The following PAX2 variants were observed in gnomAD, a reference collection of about 807,000 sequenced individuals.
PAX2 encodes the protein paired box protein Pax-2.
A neutral mutation model predicts 41.7 loss-of-function variants in PAX2; 9 were observed. The observed-to-expected ratio is 0.22, with a 90% CI of 0.13 to 0.38. The LOEUF is 0.38. PAX2 is among the 10% of genes least tolerant of loss of function. The pLI, the probability that PAX2 is intolerant of heterozygous loss-of-function variation, is 1.00. For synonymous variants in PAX2, 221 were observed against 212.7 expected (o/e 1.04, Z -0.34); for missense variants, 418 against 531.6 (o/e 0.79, Z 2.10).
In PAX2 at chr10:100,748,611, C is replaced by T; in HGVS notation, c.44-1135C>T. ...GGCTACGGGTTGATCGCTCTGGGTG[C>T]AGGATTTCTAGACTGCTGTAGGCCA... On this transcript the variant is annotated intron_variant, in intron 1 of 9. Transcript: ENST00000355243. The surrounding 1 kb of genome is among the most constrained non-coding windows in gnomAD (Gnocchi z 5.0). 1 of 985,382 alleles carries T rather than the reference C, an allele frequency of 1.0e-6. No individual in the cohort carries two copies. Among genetic ancestry groups the T allele is most frequent in the Non-Finnish European group, 1.2e-6 (1 of 829,898 alleles). 61.0% of individuals were successfully genotyped at this position (985,382 alleles called of 1,614,324 possible).
chr10:100,739,979 G>T (rs1015270761), intron 1 of PAX2, among the ~76,000 whole-genome samples: 1 of 152,202 alleles, frequency 6.6e-6, no homozygotes, highest in African/African-American at 2.4e-5. Context: ...ACAGGTGGTG[G>T]CTTCTCAGTT....
chr10:100,810,601 G>A (rs996894026), intron 7 of PAX2, among the ~76,000 whole-genome samples: 5 of 152,216 alleles, frequency 3.3e-5, no homozygotes, highest in African/African-American at 4.8e-5. Flanking sequence ...GCAGAGAGAC[G>A]GCCCAGGCCA....
intron 6 of PAX2, 138 bp from the exon 7 acceptor site, chr10:100,808,972 C>T (rs905979053): frequency 3.7e-6 from 3 of 809,706 alleles, no homozygotes; most frequent in African/African-American, 1.7e-5. Flanking sequence ...CACCAAGCCC[C>T]CGCATCTCCC....
rs1344216865 is a variant in PAX2 at position 100,824,961 on chromosome 10, G to T, written c.1021+212G>T. On this transcript the variant is annotated intron_variant, in intron 8 of 9. Transcript: ENST00000355243. The surrounding 1 kb of genome is among the most constrained non-coding windows in gnomAD (Gnocchi z 6.6). ...CAAGCCGGGGAGGAAGCTTGCAGAAGTGCCCCCTTGTGTGCAACCCACTGT... is the reference window on the plus strand; with the variant it reads ...CAAGCCGGGGAGGAAGCTTGCAGAATTGCCCCCTTGTGTGCAACCCACTGT... The T allele has an allele frequency of 6.2e-7, 1 of 1,613,962 alleles. No individual in the cohort carries two copies. Among genetic ancestry groups the T allele is most frequent in the African/African-American group, 1.3e-5 (1 of 74,884 alleles).
At chr10:100,761,051 G>A (rs559161311) in intron 3 of PAX2, among the ~76,000 whole-genome samples, 2 of 152,216 alleles carry the variant, frequency 1.3e-5, no homozygotes, top group Non-Finnish European at 2.9e-5. Context: ...GACTCCAGAT[G>A]AGAGCGAGGG....
intron 5 of PAX2, among the ~76,000 whole-genome samples, chr10:100,786,741 G>A (rs755269231): frequency 1.1e-4 from 16 of 152,192 alleles, no homozygotes; most frequent in Non-Finnish European, 1.9e-4. Context: ...GCTGTCCTGA[G>A]CCTGCCTCCA....
chr10:100,794,559 C>A (rs1847256031), intron 5 of PAX2, among the ~76,000 whole-genome samples: 1 of 152,062 alleles, frequency 6.6e-6, no homozygotes, highest in African/African-American at 2.4e-5. Context: ...TGGTTCCTGC[C>A]CTTGGAGTTC....
chr10:100,737,177 G>T (rs1031717290), intron 1 of PAX2, among the ~76,000 whole-genome samples: 2 of 152,298 alleles, frequency 1.3e-5, no homozygotes, highest in Middle Eastern at 6.8e-3. Context: ...TGCATTGCAG[G>T]CCTGAGGTTT....
intron 5 of PAX2, among the ~76,000 whole-genome samples, chr10:100,794,865 T>C (rs1847266080): frequency 6.6e-6 from 1 of 152,256 alleles, no homozygotes; most frequent in African/African-American, 2.4e-5. Flanking sequence ...TAATTGATTT[T>C]TTTTTTAGCC....
chr10:100,787,946 G>C (rs1338672428), intron 5 of PAX2, among the ~76,000 whole-genome samples: 1 of 152,018 alleles, frequency 6.6e-6, no homozygotes, highest in African/African-American at 2.4e-5. Context: ...GCTATCTTTG[G>C]GGAGGGAGGG....
In PAX2 at chr10:100,829,511, AC is replaced by A. The variant is rs1848711971; in HGVS notation, c.*1895del. 4.8e-6 allele frequency: 1 copy of A among 207,902 alleles called. No individual in the cohort carries two copies. The highest frequency in any genetic ancestry group is 2.3e-5 in the African/African-American group (1 of 43,816). 12.9% of individuals were successfully genotyped at this position (207,902 alleles called of 1,614,324 possible). ...GGCGATGCGCCCTGCATGTCTCCTC[AC>A]CCGTGGATCGTGACGACTCGAAATA... On this transcript the variant is annotated 3_prime_UTR_variant, in exon 10 of 10. Coordinates refer to ENST00000355243, the MANE Select transcript of PAX2 (RefSeq NM_000278.5).
At position 100,829,670 on chromosome 10, in the gene PAX2, CGTTTAAGGGA is replaced by C. The variant is rs1848719536; in HGVS notation, c.*2052_*2061del. The C allele has an allele frequency of 9.8e-6, 2 of 204,300 alleles. No individual in the cohort carries two copies. Among genetic ancestry groups the C allele is most frequent in the South Asian group, 3.8e-4 (2 of 5,292 alleles). 12.7% of individuals were successfully genotyped at this position (204,300 alleles called of 1,614,324 possible). A position where few individuals can be genotyped will look rare whatever the true frequency, so the allele number is the denominator to read the frequency against. ...GAGAAGGAAAAAGAGAAAAGAGAAT[CGTTTAAGGGA>C]ACCCGGCGCCCAGCCAGGCTCCAGT... On this transcript the variant is annotated 3_prime_UTR_variant, in exon 10 of 10. Coordinates refer to ENST00000355243, the MANE Select transcript of PAX2 (RefSeq NM_000278.5).
At chr10:100,799,657 G>A (rs1190630193) in intron 5 of PAX2, among the ~76,000 whole-genome samples, 3 of 152,310 alleles carry the variant, frequency 2.0e-5, no homozygotes, top group Admixed American at 2.0e-4. Context: ...TCTAGAAAAT[G>A]AGAGTAGTAA....
At chr10:100,794,746 G>A (rs913758705) in intron 5 of PAX2, among the ~76,000 whole-genome samples, 5 of 152,086 alleles carry the variant, frequency 3.3e-5, no homozygotes, top group Non-Finnish European at 7.3e-5. Flanking sequence ...TGATTTTTTA[G>A]CAGCCATGTC....
chr10:100,762,036 TGAAG>T (rs1845859434), intron 3 of PAX2, among the ~76,000 whole-genome samples: 1 of 152,034 alleles, frequency 6.6e-6, no homozygotes, highest in South Asian at 2.1e-4. Context: ...AGCTATGAGA[TGAAG>T]GAGTACATGG....
chr10:100,820,349 T>C (rs951480952), intron 7 of PAX2, among the ~76,000 whole-genome samples: 1 of 152,224 alleles, frequency 6.6e-6, no homozygotes, highest in African/African-American at 2.4e-5. Flanking sequence ...CTGTGATGCA[T>C]CTTTGTGCCT....
chr10:100,765,204 G>A (rs1280261426), intron 3 of PAX2, among the ~76,000 whole-genome samples: 2 of 152,202 alleles, frequency 1.3e-5, no homozygotes, highest in Non-Finnish European at 2.9e-5. Context: ...CTGGACAACT[G>A]CAAATTCTAT....
chr10:100,741,409 CAAAAAAAAAAAAAAAAAAAAA>C (rs1844951144), upstream of PAX2, among the ~76,000 whole-genome samples: 1 of 111,310 alleles, frequency 9.0e-6, no homozygotes, highest in African/African-American at 3.6e-5. Flanking sequence ...GAAGCTCTTC[CAAAAAAAAAAAAAAAAAAAAA>C]CCATCCTCCA....
chr10:100,789,012 CCT>C (rs1027416458), intron 5 of PAX2, among the ~76,000 whole-genome samples: 1 of 152,124 alleles, frequency 6.6e-6, no homozygotes, highest in Non-Finnish European at 1.5e-5. Flanking sequence ...AATTGCAGGG[CCT>C]CTCTCTGCTT....
Sources: gnomAD v4.1 joint callset for allele counts (sites outside exome capture counted in the v4.1 genomes callset) on GRCh38, gnomAD v4.1.1 for gene constraint, Gnocchi (gnomAD v3.1) non-coding constraint, MANE v1.5 for transcripts, NCBI Gene and HGNC (gene_info 2026-07-23, HGNC 2026-07-21) for gene names.